PCDH15: variants seen among roughly 807,000 people sequenced by gnomAD.
PCDH15 encodes the protein protocadherin related 15, also known as protocadherin-15.
A neutral mutation model predicts 178.5 loss-of-function variants in PCDH15; 129 were observed. The observed-to-expected ratio is 0.72, with a 90% CI of 0.63 to 0.84. The LOEUF is 0.84. PCDH15 is among the 40% of genes least tolerant of loss of function. The pLI is 0.00. For synonymous variants in PCDH15, 800 were observed against 732.0 expected, an observed-to-expected ratio of 1.09 and a Z score of -1.50; for missense variants, 2,230 against 2,099.9, an observed-to-expected ratio of 1.06 and a Z score of -1.21.
chr10:54,115,577 A>C (rs1359989584), intron 15 of PCDH15, among the ~76,000 whole-genome samples: 1 of 152,188 alleles, frequency 6.6e-6, no homozygotes, highest in Non-Finnish European at 1.5e-5. Context: ...AGACATATAA[A>C]CAGCCTATCT....
intron 26 of PCDH15, among the ~76,000 whole-genome samples, chr10:53,887,571 A>G (rs774171779): frequency 2.2e-4 from 34 of 152,218 alleles, no homozygotes; most frequent in Admixed American, 9.1e-4. Context: ...TGAAAATTCA[A>G]TTCTCTTCCC....
intron 8 of PCDH15, among the ~76,000 whole-genome samples, chr10:54,248,850 G>T (rs2056227306): frequency 6.6e-6 from 1 of 151,958 alleles, no homozygotes. Flanking sequence ...TCTCTGATAG[G>T]AGTGGGAAAA....
At chr10:55,332,691 A>C (rs1409239426) in intron 2 of PCDH15, among the ~76,000 whole-genome samples, 1 of 152,110 alleles carries the variant, frequency 6.6e-6, no homozygotes, top group Non-Finnish European at 1.5e-5. Context: ...GGAGTGGTTT[A>C]CCCCACAATG....
intron 7 of PCDH15, among the ~76,000 whole-genome samples, chr10:54,326,062 C>T (rs557883942): frequency 3.9e-5 from 6 of 152,056 alleles, no homozygotes; most frequent in Non-Finnish European, 8.8e-5. Flanking sequence ...TGATTAACAA[C>T]CAGCTATCAG....
intron 9 of PCDH15, among the ~76,000 whole-genome samples, chr10:54,224,743 A>T (rs2053245668): frequency 6.6e-6 from 1 of 151,940 alleles, no homozygotes; most frequent in Non-Finnish European, 1.5e-5. Context: ...ATTTCTCATT[A>T]TTTTCTTCCA....
At chr10:54,441,846 C>T (rs2075808313) in intron 3 of PCDH15, among the ~76,000 whole-genome samples, 1 of 151,492 alleles carries the variant, frequency 6.6e-6, no homozygotes, top group Admixed American at 6.6e-5. Flanking sequence ...GGCCGGGGGA[C>T]CTAGAGACAC....
At chr10:54,505,474 G>A (rs1453882361) in intron 3 of PCDH15, among the ~76,000 whole-genome samples, 1 of 152,010 alleles carries the variant, frequency 6.6e-6, no homozygotes, top group South Asian at 2.1e-4. Flanking sequence ...ATCTGCTTTG[G>A]ACATCCAAAT....
At chr10:55,027,630 T>C (rs774362247) in intron 2 of PCDH15, among the ~76,000 whole-genome samples, 2 of 151,826 alleles carry the variant, frequency 1.3e-5, no homozygotes, top group African/African-American at 2.4e-5. Context: ...ACCTCACAAC[T>C]TCTCTTCCCC....
chr10:54,790,999 C>A (rs1296975984), intron 1 of PCDH15, among the ~76,000 whole-genome samples: 1 of 151,648 alleles, frequency 6.6e-6, no homozygotes, highest in Non-Finnish European at 1.5e-5. Flanking sequence ...ACAAAAATAA[C>A]AATAACAACA....
At chr10:54,295,786 T>C (rs2059721171) in intron 8 of PCDH15, among the ~76,000 whole-genome samples, 1 of 152,130 alleles carries the variant, frequency 6.6e-6, no homozygotes, top group Admixed American at 6.5e-5. Flanking sequence ...CCCTTTCACT[T>C]GCAATTCTGT....
At chr10:54,824,733 C>T (rs980685220) in intron 3 of PCDH15, among the ~76,000 whole-genome samples, 1 of 152,060 alleles carries the variant, frequency 6.6e-6, no homozygotes, top group Admixed American at 6.6e-5. Flanking sequence ...TTATTTAACC[C>T]CAAAGCTCAG....
intron 2 of PCDH15, among the ~76,000 whole-genome samples, chr10:54,946,084 AATTGGGACTATTTTG>A (rs1454535235): frequency 1.3e-5 from 2 of 151,810 alleles, no homozygotes; most frequent in East Asian, 3.9e-4. Flanking sequence ...CCAATGTCAT[AATTGGGACTATTTTG>A]GTCAGATTAG....
At chr10:54,298,199 A>G (rs1360110171) in intron 8 of PCDH15, among the ~76,000 whole-genome samples, 2 of 152,172 alleles carry the variant, frequency 1.3e-5, no homozygotes, top group African/African-American at 2.4e-5. Context: ...AATACACTCC[A>G]CTGTCAACTG....
intron 13 of PCDH15, among the ~76,000 whole-genome samples, chr10:54,168,057 T>G (rs943371937): frequency 2.0e-5 from 3 of 151,850 alleles, no homozygotes; most frequent in African/African-American, 7.3e-5. Flanking sequence ...TTGGCCTGTG[T>G]TCTCAAAAAC....
chr10:53,829,285 A>G (rs1316768796), intron 30 of PCDH15, among the ~76,000 whole-genome samples: 1 of 152,204 alleles, frequency 6.6e-6, no homozygotes, highest in Non-Finnish European at 1.5e-5. Context: ...CTGATTATCA[A>G]ACTAAAGGAG....
In PCDH15 at chr10:54,457,709, T is replaced by C. The variant is rs559435832; in HGVS notation, c.157+70103A>G. ...ACAATATTTTTTAAAATACTTAAAA[T>C]TTAATGATAAATCATAGTCATAAGC... On this transcript the variant is annotated intron_variant, in intron 3 of 37. Transcript: ENST00000644397. Among the ~76,000 whole-genome samples, 40 of 152,312 alleles carry C rather than the reference T, an allele frequency of 2.6e-4. 1 individual carries two copies. In the South Asian group the frequency reaches 7.5e-3, roughly 28 times the overall value.
chr10:53,995,697 G>T lies in PCDH15; in HGVS notation c.2820C>A (p.Val940=), dbSNP rs1366221953. The part of the protein sequence containing the change: ...IYKGMVAPDA[V]KGTPITTVYA... ...AAACTGTTGTGATAGGTGTACCCTT[G>T]ACTGCATCCGGAGCCACCATCCCTT... Residue 940 remains valine, a synonymous_variant, in exon 21 of 38, where the codon GTC becomes GTA. Coordinates refer to ENST00000644397, the MANE Select transcript of PCDH15 (RefSeq NM_001384140.1). 6.2e-7 allele frequency: 1 copy of T among 1,613,870 alleles called. No homozygotes were observed.
At chr10:54,837,378 C>T (rs900073559) in intron 3 of PCDH15, among the ~76,000 whole-genome samples, 5 of 151,922 alleles carry the variant, frequency 3.3e-5, no homozygotes, top group Admixed American at 2.6e-4. Flanking sequence ...ACACACACTG[C>T]GCCAATTGCA....
intron 2 of PCDH15, among the ~76,000 whole-genome samples, chr10:54,635,806 T>C (rs2134804477): frequency 1.3e-5 from 2 of 152,058 alleles, no homozygotes; most frequent in South Asian, 2.1e-4. Context: ...TCATAAATGA[T>C]ACACTGGATC....
Sources: allele counts gnomAD v4.1 joint callset (sites outside exome capture counted in the v4.1 genomes callset), GRCh38; gene constraint gnomAD v4.1.1; transcripts MANE v1.5; gene names NCBI Gene and HGNC (gene_info 2026-07-23, HGNC 2026-07-21).